Variants in VAV2 observed in about 807,000 individuals in gnomAD.
VAV2 encodes the protein guanine nucleotide exchange factor VAV2.
Under a neutral mutation model 132.5 loss-of-function variants are expected in VAV2, and 67 were observed. That is an observed-to-expected ratio of 0.51 (90% CI 0.42 to 0.62). VAV2 has a LOEUF of 0.62. Among genes scored for constraint, VAV2 ranks in the 20% least tolerant of loss-of-function variants. VAV2 has a pLI of 0.00. For missense variants in VAV2, 938 were observed against 1,153.6 expected (o/e 0.81, Z 2.71); for synonymous variants, 492 against 443.5 (o/e 1.11, Z -1.37).
chr9:133,947,254 AAT>A (rs770753249), intron 1 of VAV2, among the ~76,000 whole-genome samples: 13 of 152,128 alleles, frequency 8.5e-5, no homozygotes, highest in Non-Finnish European at 1.0e-4. Flanking sequence ...TGCACACATC[AAT>A]GTCACCTGCA....
chr9:133,864,943 A>T (rs1051364775), intron 2 of VAV2, among the ~76,000 whole-genome samples: 4 of 152,140 alleles, frequency 2.6e-5, no homozygotes, highest in Admixed American at 2.0e-4. Flanking sequence ...TTTATCTCCA[A>T]TGTCTTCAGG....
chr9:133,974,397 G>A (rs1028222060), intron 1 of VAV2, among the ~76,000 whole-genome samples: 2 of 152,290 alleles, frequency 1.3e-5, no homozygotes, highest in African/African-American at 4.8e-5. Flanking sequence ...CACTCGCCGG[G>A]TGGGAGTGGA....
At chr9:133,892,296 A>C (rs1839009441) in intron 2 of VAV2, among the ~76,000 whole-genome samples, 1 of 151,498 alleles carries the variant, frequency 6.6e-6, no homozygotes, top group African/African-American at 2.4e-5. Flanking sequence ...GCTGCTAGGA[A>C]GTGAGGCCTC....
chr9:133,976,387 G>C (rs928883612), intron 1 of VAV2, among the ~76,000 whole-genome samples: 14 of 150,786 alleles, frequency 9.3e-5, no homozygotes, highest in Middle Eastern at 3.5e-3. Context: ...AGTCCCCCCA[G>C]CCCCGCCCAG....
chr9:133,835,710 G>A (rs1031957100), intron 3 of VAV2, among the ~76,000 whole-genome samples: 1 of 152,174 alleles, frequency 6.6e-6, no homozygotes, highest in Non-Finnish European at 1.5e-5. Flanking sequence ...CAGCAGGGAC[G>A]CGCGGTCCGT....
At chr9:133,959,559 C>A (rs1296192624) in intron 1 of VAV2, among the ~76,000 whole-genome samples, 3 of 152,214 alleles carry the variant, frequency 2.0e-5, no homozygotes, top group African/African-American at 7.2e-5. Context: ...CCGTGACCGT[C>A]TGGACGGAAG....
chr9:133,901,843 G>A (rs559159611), intron 2 of VAV2, among the ~76,000 whole-genome samples: 86 of 152,354 alleles, frequency 5.6e-4, no homozygotes, highest in African/African-American at 1.7e-3. Flanking sequence ...GAGACGGGCC[G>A]ATGGGGTCAG....
At chr9:133,889,812 G>A (rs1838859949) in intron 2 of VAV2, among the ~76,000 whole-genome samples, 2 of 152,068 alleles carry the variant, frequency 1.3e-5, no homozygotes, top group South Asian at 2.1e-4. Context: ...AGGCTTCCCC[G>A]ATGTGATGGT....
rs1475747401 is a variant in VAV2, at chr9:133,826,823, C to T, written c.449+7449G>A. On this transcript the variant is annotated intron_variant, in intron 4 of 29. Transcript: ENST00000371850. This position sits in a 1 kb window ranked among gnomAD's most constrained non-coding sequence, Gnocchi z 4.2. ...GGCACCACGGGAGGGAGGGCAGAGG[C>T]AGGCGGCCTGGCCCTGCTGGGGACT... 1.3e-5 allele frequency among the ~76,000 whole-genome samples: 2 copies of T among 152,190 alleles called. No homozygotes were observed. The highest frequency in any genetic ancestry group is 2.4e-5 in the African/African-American group (1 of 41,446).
intron 9 of VAV2, among the ~76,000 whole-genome samples, chr9:133,803,919 C>T (rs1478499494): frequency 6.6e-6 from 1 of 152,184 alleles, no homozygotes; most frequent in Non-Finnish European, 1.5e-5. Context: ...GCTCCCCAAC[C>T]CGCCTCGCCC....
chr9:133,807,613 G>A (rs939311686), intron 7 of VAV2, among the ~76,000 whole-genome samples: 13 of 152,232 alleles, frequency 8.5e-5, no homozygotes, highest in African/African-American at 2.9e-4. Flanking sequence ...CTGCCCTGAG[G>A]TGGGCGTTGG....
At chr9:133,858,383 C>T (rs1329185299) in intron 3 of VAV2, among the ~76,000 whole-genome samples, 3 of 152,148 alleles carry the variant, frequency 2.0e-5, no homozygotes, top group South Asian at 2.1e-4. Flanking sequence ...CCACACATGC[C>T]GACTGTCACA....
intron 5 of VAV2, among the ~76,000 whole-genome samples, chr9:133,811,098 G>A (rs1238592813): frequency 6.6e-6 from 1 of 152,234 alleles, no homozygotes; most frequent in Non-Finnish European, 1.5e-5. Context: ...AAGGCAAACT[G>A]GAGGCCCTGC....
chr9:133,846,425 C>T (rs1252092831), intron 3 of VAV2, among the ~76,000 whole-genome samples: 2 of 152,214 alleles, frequency 1.3e-5, no homozygotes, highest in Middle Eastern at 3.2e-3. Flanking sequence ...TGGCCCTGGC[C>T]TCCACTCTGG....
chr9:133,768,198 C>T lies in VAV2; in HGVS notation c.2589+244G>A, dbSNP rs116236146. Among the ~76,000 whole-genome samples, 379 of 152,280 alleles carry T rather than the reference C, an allele frequency of 2.5e-3. 5 individuals are homozygous for T. The highest frequency in any genetic ancestry group is 8.1e-3 in the African/African-American group (337 of 41,538). On this transcript the variant is annotated intron_variant, in intron 29 of 29. Transcript: ENST00000371850. The surrounding 1 kb of genome is among the most constrained non-coding windows in gnomAD (Gnocchi z 5.3). Reference sequence around the variant, plus strand: ...CGGGGGGTTCCTAGGAGCCTGGATCCGCATCAGACCTCTGTAGCCGATTTC... The same window carrying T: ...CGGGGGGTTCCTAGGAGCCTGGATCTGCATCAGACCTCTGTAGCCGATTTC...
At chr9:133,821,961 AT>A (rs1835805017) in intron 4 of VAV2, among the ~76,000 whole-genome samples, 1 of 152,068 alleles carries the variant, frequency 6.6e-6, no homozygotes, top group African/African-American at 2.4e-5. Context: ...AATCCCGACC[AT>A]TATTTTTGTC....
At chr9:133,822,120 A>C (rs1401334441) in intron 4 of VAV2, among the ~76,000 whole-genome samples, 1 of 152,108 alleles carries the variant, frequency 6.6e-6, no homozygotes, top group Non-Finnish European at 1.5e-5. Context: ...TCTGTTACAG[A>C]AAGGCAGCTG....
At chr9:133,984,091 C>T (rs1283970494) in intron 1 of VAV2, among the ~76,000 whole-genome samples, 1 of 152,150 alleles carries the variant, frequency 6.6e-6, no homozygotes, top group Non-Finnish European at 1.5e-5. Flanking sequence ...CCTGCCTCAG[C>T]CTCCCAAGTA....
intron 1 of VAV2, among the ~76,000 whole-genome samples, chr9:133,979,523 G>C (rs553808881): frequency 1.3e-5 from 2 of 152,182 alleles, no homozygotes. Flanking sequence ...TCCGGAACTC[G>C]GACAGAGGAT....
Sources: allele counts gnomAD v4.1 joint callset (sites outside exome capture counted in the v4.1 genomes callset), GRCh38; gene constraint gnomAD v4.1.1; non-coding constraint Gnocchi (gnomAD v3.1); transcripts MANE v1.5; gene names NCBI Gene and HGNC (gene_info 2026-07-23, HGNC 2026-07-21).